CRISP1: variants seen among roughly 807,000 people sequenced by gnomAD.
CRISP1 encodes cysteine rich secretory protein 1.
Under a neutral mutation model 33.1 loss-of-function variants are expected in CRISP1, and 44 were observed. That is an observed-to-expected ratio of 1.33 (90% confidence interval 1.05 to 1.71). The LOEUF is 1.71. CRISP1 is among the 40% of genes most tolerant of loss of function. The pLI is 0.00. For synonymous variants in CRISP1, 103 were observed against 98.7 expected (o/e 1.04, Z -0.26); for missense variants, 390 against 301.2 (o/e 1.29, Z -2.18).
At chr6:49,856,750 G>T (rs1771507924) in intron 2 of CRISP1, among the ~76,000 whole-genome samples, 2 of 151,954 alleles carry the variant, frequency 1.3e-5, no homozygotes, top group African/African-American at 4.8e-5. Flanking sequence ...TTATTTAAAG[G>T]TGAATATTAT....
In CRISP1 at chr6:49,852,078, C is replaced by G. The variant is rs370025572; in HGVS notation, c.118G>C (p.Val40Leu). The G allele has an allele frequency of 6.2e-7, 1 of 1,613,302 alleles. No homozygotes were observed. The highest frequency in any genetic ancestry group is 8.5e-7 in the Non-Finnish European group (1 of 1,179,558). ...TGTATATTAACGATCTCTTCTTGTA[C>G]ATTTGGCAAGTCGGTGACGAGCTTA... ...FNKLVTDLPN[V>L]QEEIVNIHNA... The change falls in exon 3 of 8, where the codon GTA becomes CTA. Residue 40 changes from valine to leucine, a missense_variant. By Grantham distance (32) the Val-to-Leu change is conservative. Coordinates refer to ENST00000335847, the MANE Select transcript of CRISP1 (RefSeq NM_001131.3).
intron 2 of CRISP1, among the ~76,000 whole-genome samples, chr6:49,854,430 C>T (rs560822581): frequency 1.3e-5 from 2 of 152,278 alleles, no homozygotes; most frequent in African/African-American, 4.8e-5. Context: ...TGCAGTAGCA[C>T]GATCTTGGCT....
intron 2 of CRISP1, among the ~76,000 whole-genome samples, chr6:49,854,509 G>A (rs1012250955): frequency 6.6e-6 from 1 of 152,124 alleles, no homozygotes; most frequent in African/African-American, 2.4e-5. Flanking sequence ...TAGGATTACA[G>A]GTGTGCACCA....
intron 6 of CRISP1, among the ~76,000 whole-genome samples, chr6:49,839,129 T>C (rs1770900434): frequency 6.6e-6 from 1 of 151,918 alleles, no homozygotes; most frequent in South Asian, 2.1e-4. Context: ...AGTTCTGGAC[T>C]AATTTGAAAC....
upstream of CRISP1, among the ~76,000 whole-genome samples, chr6:49,868,792 T>G (rs1771858102): frequency 6.6e-6 from 1 of 152,128 alleles, no homozygotes; most frequent in Non-Finnish European, 1.5e-5. Context: ...AAGTCCTGTA[T>G]GTTGCAAGGG....
chr6:49,852,557 G>T (rs369908800), intron 2 of CRISP1, among the ~76,000 whole-genome samples: 7 of 152,280 alleles, frequency 4.6e-5, no homozygotes, highest in African/African-American at 1.7e-4. Flanking sequence ...TTGAACCCTT[G>T]TGTAGAGGTG....
Position 49,848,208 on chromosome 6 carries a change from C to T in CRISP1, c.286+1G>A. The T allele has an allele frequency of 6.5e-7, 1 of 1,549,688 alleles. No individual in the cohort carries two copies. The highest frequency in any genetic ancestry group is 8.7e-7 in the Non-Finnish European group (1 of 1,145,258). ...GGCGGGTCATATAGATACACACTTA[C>T]TTGGAAGTCTCCTCTCAAGGGGGTT... On this transcript the variant is annotated splice_donor_variant, in intron 4 of 7. Coordinates refer to ENST00000335847, the MANE Select transcript of CRISP1 (RefSeq NM_001131.3). LOFTEE classifies it high-confidence loss of function.
chr6:49,837,580 A>C lies in CRISP1; in HGVS notation c.622+857T>G, dbSNP rs140700857. ...GAAGTAAATAAAAGAGTACAAGAGA[A>C]GAGAAACGAGAGAAAGGTAAAAGGA... On this transcript the variant is annotated intron_variant, in intron 7 of 7. Transcript: ENST00000335847. Among the ~76,000 whole-genome samples the C allele has an allele frequency of 2.8e-3, 429 of 152,298 alleles. 4 individuals are homozygous for C. The highest frequency in any genetic ancestry group is 9.7e-3 in the African/African-American group (405 of 41,560).
intron 5 of CRISP1, among the ~76,000 whole-genome samples, chr6:49,842,384 G>T (rs1462732002): frequency 2.0e-5 from 3 of 152,186 alleles, no homozygotes; most frequent in East Asian, 3.9e-4. Flanking sequence ...TTGGTAATAA[G>T]ATTATTGAAC....
At position 49,835,431 on chromosome 6, in the gene CRISP1, A is replaced by C; in HGVS notation, c.635T>G (p.Ile212Ser). Reference sequence around the variant, plus strand: ...ACAGTCGAAGTATTCATCATAGTAGATGCAGGGGTTAGCTGAAAGAAAATA... The same window carrying C: ...ACAGTCGAAGTATTCATCATAGTAGCTGCAGGGGTTAGCTGAAAGAAAATA... ...CEDKLCTNPC[I>S]YYDEYFDCDI... Residue 212 changes from isoleucine (I) to serine (S), a missense_variant, in exon 8 of 8, where the codon ATC (isoleucine) becomes AGC (serine). By Grantham distance (142) the Ile-to-Ser change is moderately radical. Transcript: ENST00000335847. 1 of 1,613,498 alleles carries C rather than the reference A, an allele frequency of 6.2e-7. No homozygotes were observed. The highest frequency in any genetic ancestry group is 2.2e-5 in the East Asian group (1 of 44,816).
chr6:49,852,236 T>C, intron 2 of CRISP1, 107 bp from the exon 3 acceptor site: 2 of 973,296 alleles, frequency 2.1e-6, no homozygotes, highest in South Asian at 1.8e-5. Flanking sequence ...TATTAAACAG[T>C]GATTTATAGC....
chr6:49,876,039 G>A (rs1398593018), intron 1 of CRISP1, among the ~76,000 whole-genome samples: 4 of 152,058 alleles, frequency 2.6e-5, no homozygotes, highest in African/African-American at 9.7e-5. Context: ...AGCAAAAATA[G>A]ACAAATGGGA....
chr6:49,857,076 T>A (rs1205890784), intron 2 of CRISP1, among the ~76,000 whole-genome samples: 2 of 152,214 alleles, frequency 1.3e-5, no homozygotes, highest in Non-Finnish European at 2.9e-5. Flanking sequence ...CAGAGCTAAC[T>A]GATTAAGTAT....
At chr6:49,861,585 T>C (rs952625954) in intron 1 of CRISP1, among the ~76,000 whole-genome samples, 3 of 152,014 alleles carry the variant, frequency 2.0e-5, no homozygotes, top group Middle Eastern at 3.2e-3. Flanking sequence ...AAACTAAGAA[T>C]TGAAAGAACC....
At position 49,846,525 on chromosome 6, in the gene CRISP1, T is replaced by TAACA. The variant is rs751301007; in HGVS notation, c.429_430insTGTT (p.Thr144CysfsTer36). ...TTTGCCAGCACACAGGTTACCTGAG[T>TAACA]GTAGTGGTCAGTAGTTATGTCATCA... On this transcript the variant is annotated frameshift_variant, in exon 5 of 8. Coordinates refer to ENST00000335847, the MANE Select transcript of CRISP1 (RefSeq NM_001131.3). LOFTEE classifies it high-confidence loss of function. 1.9e-6 allele frequency: 3 copies of TAACA among 1,612,724 alleles called. No individual in the cohort carries two copies. The highest frequency in any genetic ancestry group is 1.3e-5 in the African/African-American group (1 of 74,862).
At chr6:49,851,649 G>C (rs1045628652) in intron 3 of CRISP1, among the ~76,000 whole-genome samples, 1 of 152,194 alleles carries the variant, frequency 6.6e-6, no homozygotes, top group Admixed American at 6.6e-5. Flanking sequence ...TCAGCTGGGA[G>C]CTTGTGGTGG....
At chr6:49,867,130 T>A (rs1019985693), upstream of CRISP1, among the ~76,000 whole-genome samples, 1 of 152,114 alleles carries the variant, frequency 6.6e-6, no homozygotes, top group African/African-American at 2.4e-5. Flanking sequence ...CTAGAAATAC[T>A]GAACACTAAA....
intron 7 of CRISP1, among the ~76,000 whole-genome samples, chr6:49,837,656 G>A (rs1382239351): frequency 6.6e-6 from 1 of 151,982 alleles, no homozygotes; most frequent in Non-Finnish European, 1.5e-5. Context: ...AAAGTAACCT[G>A]GTTAGGTGAA....
chr6:49,868,276 A>T (rs926199405), upstream of CRISP1, among the ~76,000 whole-genome samples: 3 of 152,196 alleles, frequency 2.0e-5, no homozygotes, highest in Admixed American at 2.0e-4. Context: ...CTATTTTCAT[A>T]GATTGTTCTC....
Sources: allele counts gnomAD v4.1 joint callset (sites outside exome capture counted in the v4.1 genomes callset), GRCh38; gene constraint gnomAD v4.1.1; transcripts MANE v1.5; gene names NCBI Gene and HGNC (gene_info 2026-07-23, HGNC 2026-07-21).